Variants in DNAH5 observed in about 807,000 individuals in gnomAD.
DNAH5 encodes the protein axonemal beta dynein heavy chain 5.
A neutral mutation model predicts 518.2 loss-of-function variants in DNAH5; 372 were observed. The ratio of observed to expected loss-of-function variants is 0.72; its 90% confidence interval spans 0.66 to 0.78. The LOEUF (loss-of-function observed/expected upper bound fraction) is 0.78. Ranked by LOEUF, DNAH5 falls within the 30% of genes least tolerant of loss-of-function variation. DNAH5 has a pLI of 0.00. For missense variants in DNAH5, 5,523 were observed against 5,687.0 expected, an observed-to-expected ratio of 0.97 and a Z score of 0.93; for synonymous variants, 2,039 against 2,025.9, an observed-to-expected ratio of 1.01 and a Z score of -0.17.
At chr5:13,786,458 A>AGTG in intron 51 of DNAH5, 107 bp from the exon 52 acceptor site, 4 of 1,166,570 alleles carry the variant, frequency 3.4e-6, no homozygotes, top group Non-Finnish European at 5.0e-6. Context: ...AATAACATTC[A>AGTG]TTTTAAGCTA....
At position 13,778,582 on chromosome 5, in the gene DNAH5, GAAAGAAAGAAAGAA is replaced by G. The variant is rs1166623798; in HGVS notation, c.8952-1241_8952-1228del. 9.3e-3 allele frequency among the ~76,000 whole-genome samples: 719 copies of G among 77,006 alleles called. 20 individuals are homozygous for G. The highest frequency in any genetic ancestry group is 0.026 in the African/African-American group (550 of 20,984). 50.5% of individuals were successfully genotyped at this position (77,006 alleles called of 152,430 possible). A position where few individuals can be genotyped will look rare whatever the true frequency, so the allele number is the denominator to read the frequency against. ...AGAAAGAAAGAAAGAAAGAAAGAAAGAAAGAAAGAAAGAAAGAGAGAGAGAAAGAAAAAGAAAGA... is the reference window on the plus strand; with the variant it reads ...AGAAAGAAAGAAAGAAAGAAAGAAAGAGAGAGAGAGAAAGAAAAAGAAAGA... On this transcript the variant is annotated intron_variant, in intron 53 of 78. Coordinates refer to ENST00000265104, the MANE Select transcript of DNAH5 (RefSeq NM_001369.3).
In DNAH5 at chr5:13,930,893, A is replaced by C. The variant is rs185780456; in HGVS notation, c.192+217T>G. On this transcript the variant is annotated intron_variant, in intron 2 of 78. Transcript: ENST00000265104. ...CAGACAATGCCATCAGAATCACGGA[A>C]CTCAAATGACAATTAGAAGTGCCCC... Among the ~76,000 whole-genome samples the C allele has an allele frequency of 3.2e-4, 49 of 152,310 alleles. No individual in the cohort carries two copies. The East Asian group carries it at 8.3e-3, about 26-fold the overall frequency.
chr5:13,811,754 C>T lies in DNAH5; in HGVS notation c.7300G>A (p.Asp2434Asn). Residue 2434 changes from aspartate (D) to asparagine (N), a missense_variant, in exon 44 of 79, where the codon GAC (aspartate) becomes AAC (asparagine). By Grantham distance (23) the Asp-to-Asn change is conservative (BLOSUM62 1). Around this residue, in one of 3 missense-constraint regions of DNAH5, gnomAD observed 5,121 missense variants for 5,223.3 expected, o/e 0.98. Coordinates refer to ENST00000265104, the MANE Select transcript of DNAH5 (RefSeq NM_001369.3). ...LRQLYTESFPDLYRFCIQNLE... is the reference protein window; with the variant it reads ...LRQLYTESFPNLYRFCIQNLE... ...TTCTGGATACAGAAGCGATACAAGTCTGGGAAAGACTCGGTGTACAGCTGA... is the reference window on the plus strand; with the variant it reads ...TTCTGGATACAGAAGCGATACAAGTTTGGGAAAGACTCGGTGTACAGCTGA... 1.2e-6 allele frequency: 2 copies of T among 1,614,152 alleles called. No homozygotes were observed. Among genetic ancestry groups the T allele is most frequent in the Non-Finnish European group, 1.7e-6 (2 of 1,180,042 alleles).
intron 52 of DNAH5, 47 bp from the exon 53 acceptor site, chr5:13,781,006 T>C (rs1252725740): frequency 6.2e-7 from 1 of 1,601,832 alleles, no homozygotes; most frequent in South Asian, 1.1e-5. Context: ...CATGTAAATG[T>C]TCTATTTTTC....
rs569572855 is a variant in DNAH5 at position 13,830,751 on chromosome 5, A to G, written c.5907T>C (p.Ala1969=). The G allele has an allele frequency of 1.1e-5, 18 of 1,614,106 alleles. No individual in the cohort carries two copies. The Admixed American group carries it at 1.8e-4, about 16-fold the overall frequency. Residue 1969 remains alanine, a synonymous_variant, in exon 36 of 79, where the codon GCT becomes GCC. Coordinates refer to ENST00000265104, the MANE Select transcript of DNAH5 (RefSeq NM_001369.3). ...TDRCYITLAQ[A]LGMSMGGAPA... ...GGGCTCCCCCCATGCTCATTCCCAG[A>G]GCTTGAGCCAGCGTGATGTAACATC...
In DNAH5 at chr5:14,003,939, G is replaced by A. The variant is rs1214189356; in HGVS notation, c.12+7709C>T. The stretch of plus-strand genomic sequence containing the variant: ...CTATTCCAGCCTCCCAAGCCCCATA[G>A]GAGAGACCCCCATGCCAGAACCACC... On this transcript the variant is annotated intron_variant, in intron 1 of 78. Coordinates refer to the DNAH5 transcript ENST00000681290. Among the ~76,000 whole-genome samples, 5 of 152,242 alleles carry A rather than the reference G, an allele frequency of 3.3e-5. No homozygotes were observed. In the South Asian group the frequency reaches 6.2e-4, roughly 19 times the overall value.
chr5:13,694,569 T>TA (rs1321357751), intron 78 of DNAH5, among the ~76,000 whole-genome samples: 3 of 152,184 alleles, frequency 2.0e-5, no homozygotes, highest in Non-Finnish European at 4.4e-5. Flanking sequence ...CCATACCCTT[T>TA]AGGATCTTAA....
At chr5:13,886,489 C>T (rs1268053683) in intron 17 of DNAH5, among the ~76,000 whole-genome samples, 1 of 152,172 alleles carries the variant, frequency 6.6e-6, no homozygotes, top group African/African-American at 2.4e-5. Flanking sequence ...GCCAACAAAC[C>T]ATAGTCATCC....
chr5:13,854,200 G>A (rs901076213), intron 30 of DNAH5, among the ~76,000 whole-genome samples: 1 of 152,208 alleles, frequency 6.6e-6, no homozygotes, highest in African/African-American at 2.4e-5. Context: ...CAAGCCATAA[G>A]AGAGTGGGGG....
chr5:13,819,465 T>C (rs762535273), intron 41 of DNAH5, among the ~76,000 whole-genome samples: 2 of 152,058 alleles, frequency 1.3e-5, no homozygotes, highest in Non-Finnish European at 2.9e-5. Context: ...CCACCAACAA[T>C]GTACCAGTGT....
intron 52 of DNAH5, among the ~76,000 whole-genome samples, chr5:13,784,549 T>C (rs1257989610): frequency 6.6e-6 from 1 of 152,166 alleles, no homozygotes; most frequent in Non-Finnish European, 1.5e-5. Context: ...TTTTCTTTCT[T>C]GCAGGGAAAA....
intron 65 of DNAH5, among the ~76,000 whole-genome samples, chr5:13,744,422 A>G (rs950789622): frequency 6.6e-6 from 1 of 152,034 alleles, no homozygotes; most frequent in Non-Finnish European, 1.5e-5. Context: ...AGTGTTTTAT[A>G]GCATTACAGG....
intron 65 of DNAH5, among the ~76,000 whole-genome samples, chr5:13,748,356 T>A (rs1462004726): frequency 2.0e-5 from 3 of 152,198 alleles, no homozygotes. Flanking sequence ...GTCTTGGCAA[T>A]GTGGGCTCTT....
intron 48 of DNAH5, 62 bp from the exon 49 acceptor site, chr5:13,793,790 T>C (rs1016195542): frequency 1.4e-5 from 22 of 1,582,376 alleles, no homozygotes; most frequent in Non-Finnish European, 1.8e-5. Context: ...GCCTAACTCC[T>C]TGAGTGTTTC....
chr5:13,743,841 T>A (rs1002623588), intron 65 of DNAH5, among the ~76,000 whole-genome samples: 1 of 152,060 alleles, frequency 6.6e-6, no homozygotes, highest in Non-Finnish European at 1.5e-5. Context: ...AAAAGGGAAC[T>A]GTTAAACACT....
intron 1 of DNAH5, among the ~76,000 whole-genome samples, chr5:13,998,304 T>C (rs550103798): frequency 1.4e-4 from 21 of 152,310 alleles, no homozygotes; most frequent in Non-Finnish European, 2.5e-4. Flanking sequence ...AAGCCCTTTA[T>C]AAGGACATTA....
chr5:13,793,062 A>T (rs1757241450), intron 49 of DNAH5, among the ~76,000 whole-genome samples: 1 of 152,194 alleles, frequency 6.6e-6, no homozygotes, highest in Non-Finnish European at 1.5e-5. Context: ...AATTACTCTG[A>T]ATTTCAGACC....
intron 58 of DNAH5, among the ~76,000 whole-genome samples, chr5:13,767,397 T>C (rs1752652019): frequency 6.6e-6 from 1 of 152,232 alleles, no homozygotes; most frequent in Non-Finnish European, 1.5e-5. Context: ...AGTACTGGAA[T>C]TACAGGCGTG....
In DNAH5 at chr5:13,917,265, A is replaced by G. The variant is rs1409204466; in HGVS notation, c.976-9T>C. ...TCCATCTCCCGCCAAGTCTAAGCACAATAGGGAAAAGCAATTTTAATGTAA... is the reference window on the plus strand; with the variant it reads ...TCCATCTCCCGCCAAGTCTAAGCACGATAGGGAAAAGCAATTTTAATGTAA... On this transcript the variant is annotated splice_polypyrimidine_tract_variant and intron_variant, in intron 7 of 78. Transcript: ENST00000265104. 1.0e-5 allele frequency: 16 copies of G among 1,604,936 alleles called. No homozygotes were observed. Among genetic ancestry groups the G allele is most frequent in the Admixed American group, 1.7e-5 (1 of 59,976 alleles).
Sources: allele counts gnomAD v4.1 joint callset (sites outside exome capture counted in the v4.1 genomes callset), GRCh38; gene constraint gnomAD v4.1.1; regional missense constraint gnomAD v4.1.1; transcripts MANE v1.5; gene names NCBI Gene and HGNC (gene_info 2026-07-23, HGNC 2026-07-21).